The following WDPCP variants were observed in gnomAD, a reference collection of about 807,000 sequenced individuals.
The protein encoded by WDPCP is WD repeat-containing and planar cell polarity effector protein fritz homolog.
A neutral mutation model predicts 93.1 loss-of-function variants in WDPCP; 71 were observed. The observed-to-expected ratio is 0.76, with a 90% CI of 0.63 to 0.93. WDPCP has a LOEUF of 0.93. Among genes scored for constraint, WDPCP ranks in the 40% least tolerant of loss-of-function variants. The pLI, the probability that WDPCP is intolerant of heterozygous loss-of-function variation, is 0.00. For synonymous variants in WDPCP, 315 were observed against 315.0 expected, an observed-to-expected ratio of 1.00 and a Z score of 0.00; for missense variants, 844 against 887.4, an observed-to-expected ratio of 0.95 and a Z score of 0.62.
chr2:63,145,364 A>G (rs149690991), intron 17 of WDPCP, among the ~76,000 whole-genome samples: 2,622 of 150,094 alleles, frequency 0.017, 82 homozygotes, highest in African/African-American at 0.061. Flanking sequence ...TGGATAGGGA[A>G]GTACCATCAG....
intron 13 of WDPCP, among the ~76,000 whole-genome samples, chr2:63,270,556 A>C (rs1682555446): frequency 6.6e-6 from 1 of 152,200 alleles, no homozygotes; most frequent in African/African-American, 2.4e-5. Context: ...CCAGAATATC[A>C]AGTAGATAAT....
chr2:63,707,083 G>T (rs1669170129), intron 2 of WDPCP, among the ~76,000 whole-genome samples: 1 of 152,038 alleles, frequency 6.6e-6, no homozygotes. Flanking sequence ...TTCAACTTTG[G>T]TGAATCTGAC....
At chr2:63,723,743 C>G (rs1350054632) in intron 2 of WDPCP, among the ~76,000 whole-genome samples, 4 of 152,112 alleles carry the variant, frequency 2.6e-5, no homozygotes, top group Non-Finnish European at 5.9e-5. Context: ...AGCACATCTC[C>G]AAGAAAGCTG....
chr2:63,620,245 C>A (rs1281237925), intron 3 of WDPCP, among the ~76,000 whole-genome samples: 1 of 152,216 alleles, frequency 6.6e-6, no homozygotes, highest in Non-Finnish European at 1.5e-5. Context: ...CCCACCCCAA[C>A]AGAGCCCAGC....
At chr2:63,418,810 C>A (rs1695619902) in intron 9 of WDPCP, among the ~76,000 whole-genome samples, 2 of 152,118 alleles carry the variant, frequency 1.3e-5, no homozygotes, top group Admixed American at 6.5e-5. Flanking sequence ...AGGAAAATAT[C>A]TCTGTTTTAA....
At chr2:63,605,995 T>A in intron 3 of WDPCP, 2 of 1,614,216 alleles carry the variant, frequency 1.2e-6, no homozygotes, top group Non-Finnish European at 1.7e-6. Flanking sequence ...GTGTTCCTGA[T>A]GATCTGCTCT....
At chr2:63,469,299 A>T (rs995076034) in intron 6 of WDPCP, among the ~76,000 whole-genome samples, 2 of 152,250 alleles carry the variant, frequency 1.3e-5, no homozygotes, top group Non-Finnish European at 2.9e-5. Context: ...GAGATTCCTC[A>T]AAGTCCTAAA....
chr2:63,161,302 A>G (rs1235752432), intron 15 of WDPCP, among the ~76,000 whole-genome samples: 3 of 152,218 alleles, frequency 2.0e-5, no homozygotes, highest in African/African-American at 7.2e-5. Flanking sequence ...ATATATATAA[A>G]TGGCGCCATA....
intron 14 of WDPCP, among the ~76,000 whole-genome samples, chr2:63,243,614 G>C (rs1234063119): frequency 6.6e-6 from 1 of 151,890 alleles, no homozygotes; most frequent in Middle Eastern, 3.2e-3. Context: ...GACAAAGAAG[G>C]GTATCATATA....
chr2:63,274,987 G>A (rs745677610), intron 13 of WDPCP, among the ~76,000 whole-genome samples: 1 of 151,828 alleles, frequency 6.6e-6, no homozygotes, highest in Non-Finnish European at 1.5e-5. Flanking sequence ...ACAAGGATAT[G>A]ACAAAGAAAA....
intron 17 of WDPCP, among the ~76,000 whole-genome samples, chr2:63,137,117 C>G (rs555804414): frequency 6.6e-6 from 1 of 152,114 alleles, no homozygotes; most frequent in South Asian, 2.1e-4. Context: ...GGCTGTAGGA[C>G]GTTGAGGAAT....
chr2:63,479,408 C>T (rs564293025), intron 6 of WDPCP, among the ~76,000 whole-genome samples: 1 of 152,062 alleles, frequency 6.6e-6, no homozygotes, highest in Non-Finnish European at 1.5e-5. Flanking sequence ...GACCAATATT[C>T]CTGATGAATA....
intron 3 of WDPCP, among the ~76,000 whole-genome samples, chr2:63,616,054 G>T (rs962256393): frequency 6.6e-6 from 1 of 152,254 alleles, no homozygotes; most frequent in East Asian, 1.9e-4. Context: ...ATGGCATTGT[G>T]CTAATTCCAG....
intron 13 of WDPCP, among the ~76,000 whole-genome samples, chr2:63,301,420 G>A (rs1194958840): frequency 1.3e-5 from 2 of 152,122 alleles, no homozygotes; most frequent in African/African-American, 2.4e-5. Flanking sequence ...ATGGGTAAAC[G>A]CTTCAGCACA....
At chr2:63,539,456 G>A (rs1704548562) in intron 1 of WDPCP, among the ~76,000 whole-genome samples, 2 of 152,192 alleles carry the variant, frequency 1.3e-5, no homozygotes, top group Non-Finnish European at 2.9e-5. Flanking sequence ...AGCACTTTGG[G>A]AGGCCAAGGA....
intron 1 of WDPCP, among the ~76,000 whole-genome samples, chr2:63,558,220 G>T (rs1706283171): frequency 6.6e-6 from 1 of 151,934 alleles, no homozygotes; most frequent in Admixed American, 6.6e-5. Context: ...AAAATAGACG[G>T]CTAGCTAAAC....
intron 14 of WDPCP, among the ~76,000 whole-genome samples, chr2:63,188,266 T>C (rs1674784331): frequency 6.6e-6 from 1 of 152,198 alleles, no homozygotes; most frequent in Non-Finnish European, 1.5e-5. Flanking sequence ...TTTGTTCAAA[T>C]AAGCTCTTTG....
chr2:63,155,353 G>C (rs1672164475), intron 15 of WDPCP, among the ~76,000 whole-genome samples: 1 of 152,138 alleles, frequency 6.6e-6, no homozygotes, highest in Non-Finnish European at 1.5e-5. Flanking sequence ...TGTGTGCATA[G>C]ATGTGTATTG....
chr2:63,451,459 G>A (rs1049701961), intron 6 of WDPCP, among the ~76,000 whole-genome samples: 43 of 152,172 alleles, frequency 2.8e-4, no homozygotes, highest in African/African-American at 8.7e-4. Context: ...TTAATAACTT[G>A]CCAACCAAAA....
Sources: allele counts gnomAD v4.1 joint callset (sites outside exome capture counted in the v4.1 genomes callset), GRCh38; gene constraint gnomAD v4.1.1; transcripts MANE v1.5; gene names NCBI Gene and HGNC (gene_info 2026-07-23, HGNC 2026-07-21).